GDPD1: variants seen among roughly 807,000 people sequenced by gnomAD.
GDPD1 encodes the protein glycerophosphodiester phosphodiesterase domain containing 1.
GDPD1 carries 28 observed loss-of-function variants against 45.1 expected under a neutral mutation model. The observed-to-expected ratio is 0.62, with a 90% CI of 0.46 to 0.85. GDPD1 has a LOEUF of 0.85. Ranked by LOEUF, GDPD1 falls within the 40% of genes least tolerant of loss-of-function variation. The pLI, the probability that GDPD1 is intolerant of heterozygous loss-of-function variation, is 0.00. For synonymous variants in GDPD1, 139 were observed against 131.4 expected (o/e 1.06, Z -0.40); for missense variants, 256 against 364.8 (o/e 0.70, Z 2.43).
Position 59,257,809 on chromosome 17 carries a change from A to ACTG in GDPD1, c.545_546insCTG (p.Asn182_Tyr183insCys), listed in dbSNP as rs777757321. 6.2e-7 allele frequency: 1 copy of ACTG among 1,604,258 alleles called. No homozygotes were observed. Among genetic ancestry groups the ACTG allele is most frequent in the Non-Finnish European group, 8.5e-7 (1 of 1,175,340 alleles). On this transcript the variant is annotated inframe_insertion, in exon 6 of 10. Transcript: ENST00000284116. ...CACTTAACAGTGTGGGGTAATGCCA[A>ACTG]TTATGAAATTGTAGAAAAGTGCTAC...
chr17:59,256,496 A>G (rs2047310158), intron 4 of GDPD1, among the ~76,000 whole-genome samples: 1 of 152,178 alleles, frequency 6.6e-6, no homozygotes, highest in African/African-American at 2.4e-5. Context: ...CCTTGCCTGA[A>G]TGTTATTTTT....
intron 6 of GDPD1, among the ~76,000 whole-genome samples, chr17:59,265,212 T>C (rs917893399): frequency 6.6e-6 from 1 of 151,922 alleles, no homozygotes; most frequent in African/African-American, 2.4e-5. Flanking sequence ...TTATTAAAAG[T>C]TCACTGTAAG....
At chr17:59,251,991 C>CAAAAAAAAAAAAAA (rs34224346) in intron 4 of GDPD1, among the ~76,000 whole-genome samples, 2 of 60,916 alleles carry the variant, frequency 3.3e-5, no homozygotes, top group African/African-American at 6.1e-5. Context: ...GACTCAGTCT[C>CAAAAAAAAAAAAAA]AAAAAAAAAA....
intron 9 of GDPD1, 147 bp downstream of exon 9, chr17:59,272,983 C>A (rs2047455144): frequency 1.3e-6 from 2 of 1,505,352 alleles, no homozygotes; most frequent in Admixed American, 4.5e-5. Flanking sequence ...ACCTTAAGCT[C>A]TTCCTTACAC....
At chr17:59,259,956 G>A (rs1313895699) in intron 6 of GDPD1, among the ~76,000 whole-genome samples, 1 of 147,018 alleles carries the variant, frequency 6.8e-6, no homozygotes, top group Non-Finnish European at 1.5e-5. Context: ...AGCTACTTGG[G>A]AAGCTGAGGT....
At chr17:59,240,133 A>T (rs1354750397) in intron 2 of GDPD1, among the ~76,000 whole-genome samples, 1 of 152,076 alleles carries the variant, frequency 6.6e-6, no homozygotes, top group African/African-American at 2.4e-5. Flanking sequence ...TCTACTAAAA[A>T]ATACAAAAAT....
chr17:59,220,922 G>A (rs901850593), intron 1 of GDPD1, among the ~76,000 whole-genome samples, 171 bp downstream of exon 1: 7 of 152,152 alleles, frequency 4.6e-5, no homozygotes, highest in African/African-American at 1.4e-4. Flanking sequence ...GGTCTCCTGA[G>A]GGGAGGGAAG....
intron 6 of GDPD1, chr17:59,260,661 G>C (rs1008969874): frequency 1.3e-5 from 2 of 152,138 alleles, no homozygotes; most frequent in Admixed American, 6.6e-5. Context: ...AAAAAATCTT[G>C]AGCATTGAAG....
chr17:59,234,290 G>T (rs964152065), intron 1 of GDPD1, among the ~76,000 whole-genome samples: 8 of 151,574 alleles, frequency 5.3e-5, no homozygotes, highest in African/African-American at 1.9e-4. Flanking sequence ...GGCGGAGCTT[G>T]CAGTCAGCCG....
At chr17:59,234,386 CCAA>C (rs1568339586) in intron 1 of GDPD1, 103 bp from the exon 2 acceptor site, 1,815 of 545,302 alleles carry the variant, frequency 3.3e-3, no homozygotes, top group South Asian at 4.7e-3. Context: ...ATGTCTACCC[CCAA>C]AAAAAAAAAA....
intron 6 of GDPD1, among the ~76,000 whole-genome samples, chr17:59,265,060 C>T (rs576340931): frequency 8.0e-4 from 121 of 152,010 alleles, no homozygotes; most frequent in African/African-American, 2.8e-3. Context: ...AGGCTGGTCT[C>T]GAAGTCATGA....
At position 59,245,415 on chromosome 17, in the gene GDPD1, G is replaced by A. The variant is rs2047202681; in HGVS notation, c.187G>A (p.Ala63Thr). ...LENTMAAFQH[A>T]VKIGTDMLEL... ...GTCATTCTTCTTTTATTTCTTCAGT[G>A]CGGTTAAAATCGGAACTGATATGCT... Residue 63 changes from alanine (A) to threonine (T), a missense_variant and splice_region_variant, in exon 3 of 10, where the codon GCG (alanine) becomes ACG (threonine). Ala to Thr is a moderately conservative substitution (Grantham distance 58). Transcript: ENST00000284116. 1.2e-6 allele frequency: 2 copies of A among 1,608,604 alleles called. No homozygotes were observed.
intron 1 of GDPD1, among the ~76,000 whole-genome samples, chr17:59,223,634 G>T (rs1263209434): frequency 6.6e-6 from 1 of 152,100 alleles, no homozygotes; most frequent in African/African-American, 2.4e-5. Context: ...TATAAGTAAG[G>T]AAACAGTGAT....
chr17:59,244,812 A>C (rs2047198664), intron 2 of GDPD1, among the ~76,000 whole-genome samples: 1 of 151,670 alleles, frequency 6.6e-6, no homozygotes, highest in South Asian at 2.1e-4. Context: ...CCTGAACAAC[A>C]TAACAAGACC....
Position 59,257,123 on chromosome 17 carries a change from A to G in GDPD1, c.369A>G (p.Ala123=), listed in dbSNP as rs759836838. ...CATTTAAAAATCTTGCTTTCTCAGC[A>G]TGCCAGTGTGAAGGAAAAGATAACC... ...LGKLDVSFQR[A]CQCEGKDNRI... is the part of the protein sequence containing the mutation. Residue 123 remains alanine, a splice_region_variant and synonymous_variant, in exon 5 of 10, where the codon GCA becomes GCG. Transcript: ENST00000284116. 2 of 1,533,328 alleles carry G rather than the reference A, an allele frequency of 1.3e-6. No homozygotes were observed. Among genetic ancestry groups the G allele is most frequent in the Non-Finnish European group, 1.8e-6 (2 of 1,121,458 alleles). The allele number at this position is 1,533,328 out of a possible 1,614,324, so 95.0% of individuals were successfully genotyped here.
intron 4 of GDPD1, among the ~76,000 whole-genome samples, chr17:59,255,756 A>T (rs1463265503): frequency 2.5e-4 from 20 of 80,800 alleles, no homozygotes; most frequent in East Asian, 6.2e-4. Context: ...AAAAAAAAAA[A>T]AAAAAAATAT....
Position 59,233,405 on chromosome 17 carries a change from G to A in GDPD1, c.143-1087G>A, listed in dbSNP as rs150492073. On this transcript the variant is annotated intron_variant, in intron 1 of 9. Transcript: ENST00000284116. Reference sequence around the variant, plus strand: ...TGGGCGCCTGTAGTCCCAGCTACTCGGGAGGCTGAGACAGGAGAATGGCGT... The same window carrying A: ...TGGGCGCCTGTAGTCCCAGCTACTCAGGAGGCTGAGACAGGAGAATGGCGT... 4.8e-3 allele frequency among the ~76,000 whole-genome samples: 732 copies of A among 151,452 alleles called. 9 individuals are homozygous for A. The highest frequency in any genetic ancestry group is 0.017 in the African/African-American group (687 of 41,244).
chr17:59,255,797 G>GTATA (rs1291959577), intron 4 of GDPD1, among the ~76,000 whole-genome samples: 2 of 49,052 alleles, frequency 4.1e-5, no homozygotes, highest in Non-Finnish European at 6.3e-5. Flanking sequence ...GCGTATATAT[G>GTATA]TATATATATA....
chr17:59,235,816 C>CAAAAA (rs368914278), intron 2 of GDPD1, among the ~76,000 whole-genome samples: 2 of 97,926 alleles, frequency 2.0e-5, no homozygotes, highest in Admixed American at 2.1e-4. Context: ...GACTCTATCT[C>CAAAAA]AAAAAAAAAA....
Sources: allele counts gnomAD v4.1 joint callset (sites outside exome capture counted in the v4.1 genomes callset), GRCh38; gene constraint gnomAD v4.1.1; transcripts MANE v1.5; gene names NCBI Gene and HGNC (gene_info 2026-07-23, HGNC 2026-07-21).